The following SLC22A16 variants were observed in gnomAD, a reference collection of about 807,000 sequenced individuals.
SLC22A16 encodes solute carrier family 22 member 16, also known as WUGSC:RG331P03.1.
Under a neutral mutation model 52.9 loss-of-function variants are expected in SLC22A16, and 53 were observed. The observed-to-expected ratio is 1.00, with a 90% CI of 0.80 to 1.26. The LOEUF is 1.26. Among genes scored for constraint, SLC22A16 ranks in the 50% most tolerant of loss-of-function variants. SLC22A16 has a pLI of 0.00. For missense variants in SLC22A16, 726 were observed against 704.0 expected (o/e 1.03, Z -0.35); for synonymous variants, 291 against 268.8 (o/e 1.08, Z -0.81).
intron 2 of SLC22A16, among the ~76,000 whole-genome samples, chr6:110,452,330 CT>C (rs1775417122): frequency 6.6e-6 from 1 of 152,004 alleles, no homozygotes; most frequent in African/African-American, 2.4e-5. Context: ...ATATGTAGGA[CT>C]TTTTTCATAC....
chr6:110,428,573 A>G (rs1774368400), intron 7 of SLC22A16, among the ~76,000 whole-genome samples: 1 of 152,238 alleles, frequency 6.6e-6, no homozygotes, highest in Admixed American at 6.5e-5. Context: ...GAAGAGAACA[A>G]CAGTATCTGC....
chr6:110,467,123 C>T (rs1776097041), intron 1 of SLC22A16, among the ~76,000 whole-genome samples: 1 of 152,206 alleles, frequency 6.6e-6, no homozygotes, highest in South Asian at 2.1e-4. Context: ...CAAAGACCTA[C>T]AAGAATTCTC....
intron 7 of SLC22A16, chr6:110,425,414 C>A (rs1178710046): frequency 1.5e-6 from 2 of 1,317,692 alleles, no homozygotes; most frequent in South Asian, 2.5e-5. Flanking sequence ...ACACTTACCC[C>A]ATCTTTCCAG....
At chr6:110,444,181 G>A (rs1192817172) in intron 3 of SLC22A16, among the ~76,000 whole-genome samples, 3 of 152,128 alleles carry the variant, frequency 2.0e-5, no homozygotes, top group African/African-American at 4.8e-5. Context: ...TTGGAAATAT[G>A]ACTATCTTTA....
At chr6:110,460,123 A>C (rs1184930161) in intron 1 of SLC22A16, among the ~76,000 whole-genome samples, 1 of 152,200 alleles carries the variant, frequency 6.6e-6, no homozygotes, top group East Asian at 1.9e-4. Context: ...CCATTGACAC[A>C]TGTGATCTCC....
At chr6:110,466,971 A>AGATAGAT (rs1776091778) in intron 1 of SLC22A16, among the ~76,000 whole-genome samples, 1 of 150,338 alleles carries the variant, frequency 6.7e-6, no homozygotes, top group Non-Finnish European at 1.5e-5. Context: ...ATAGATAGAT[A>AGATAGAT]ATCTGCATTC....
intron 1 of SLC22A16, among the ~76,000 whole-genome samples, chr6:110,472,944 A>G (rs1448151019): frequency 6.6e-6 from 1 of 152,186 alleles, no homozygotes; most frequent in Non-Finnish European, 1.5e-5. Flanking sequence ...TAAAAGCATA[A>G]CTGGTGGAGT....
chr6:110,456,993 T>A lies in SLC22A16; in HGVS notation c.78A>T (p.Ile26=). Reference sequence around the variant, plus strand: ...CACAAGAGATGTTCTGGAAGGCACATATGAAATAGAGGACTCTCTGGAATC... The same window carrying A: ...CACAAGAGATGTTCTGGAAGGCACAAATGAAATAGAGGACTCTCTGGAATC... ...FGRFQRVLYF[I]CAFQNISCGI... The change falls in exon 2 of 8, where the codon ATA becomes ATT. Residue 26 remains isoleucine (I), a synonymous_variant. Coordinates refer to ENST00000368919, the MANE Select transcript of SLC22A16 (RefSeq NM_033125.4). 1 of 1,549,842 alleles carries A rather than the reference T, an allele frequency of 6.5e-7. No individual in the cohort carries two copies.
At chr6:110,474,448 G>T (rs1776387837) in intron 1 of SLC22A16, among the ~76,000 whole-genome samples, 1 of 152,200 alleles carries the variant, frequency 6.6e-6, no homozygotes, top group Admixed American at 6.5e-5. Flanking sequence ...GTACTGTGTT[G>T]CAGTCACACA....
At chr6:110,471,304 G>A (rs971615929) in intron 1 of SLC22A16, among the ~76,000 whole-genome samples, 19 of 152,188 alleles carry the variant, frequency 1.2e-4, no homozygotes, top group African/African-American at 4.6e-4. Context: ...GCCTAAATGT[G>A]TAGCAGGCTG....
At position 110,442,508 on chromosome 6, in the gene SLC22A16, T is replaced by C; in HGVS notation, c.919A>G (p.Ile307Val). The C allele has an allele frequency of 1.9e-6, 3 of 1,614,226 alleles. No individual in the cohort carries two copies. The highest frequency in any genetic ancestry group is 3.3e-5 in the Admixed American group (2 of 60,026). The change falls in exon 4 of 8, where the codon ATA (isoleucine) becomes GTA (valine). Residue 307 changes from isoleucine (I) to valine (V), a missense_variant. Transcript: ENST00000368919. ...TTCCACTTGGCCATGATGTCAACTATTTTTTGTGCTTCTTCATATCGTCCC... is the reference window on the plus strand; with the variant it reads ...TTCCACTTGGCCATGATGTCAACTACTTTTTGTGCTTCTTCATATCGTCCC... ...SEGRYEEAQK[I>V]VDIMAKWNRA...
rs1324203550 is a variant in SLC22A16 at position 110,442,585 on chromosome 6, A to G, written c.842T>C (p.Phe281Ser). 6.2e-7 allele frequency: 1 copy of G among 1,614,096 alleles called. No homozygotes were observed. Among genetic ancestry groups the G allele is most frequent in the Non-Finnish European group, 8.5e-7 (1 of 1,180,048 alleles). The change falls in exon 4 of 8, where the codon TTT (phenylalanine) becomes TCT (serine). Residue 281 changes from phenylalanine (F) to serine (S), a missense_variant. Physicochemically the swap from Phe to Ser is radical, Grantham distance 155. Coordinates refer to ENST00000368919, the MANE Select transcript of SLC22A16 (RefSeq NM_033125.4). Reference sequence around the variant, plus strand: ...TGGGAGCACCCAACAGCACAGGATAAAGGGGACAGTCACTGTGGAGAGGAT... The same window carrying G: ...TGGGAGCACCCAACAGCACAGGATAGAGGGGACAGTCACTGTGGAGAGGAT... ...QMILSTVTVP[F>S]ILCCWVLPET...
chr6:110,430,893 A>G lies in SLC22A16; in HGVS notation c.1521+278T>C, dbSNP rs182193239. ...CAGAGACCAGAGCTCTCCCTTCCCC[A>G]GGCCTGGCTTCCAGGCAAGGGTGAG... On this transcript the variant is annotated intron_variant, in intron 7 of 7. Transcript: ENST00000368919. Among the ~76,000 whole-genome samples the G allele has an allele frequency of 2.9e-3, 449 of 152,312 alleles. 6 individuals carry two copies. Among genetic ancestry groups the G allele is most frequent in the African/African-American group, 0.011 (440 of 41,574 alleles).
rs761836585 is a variant in SLC22A16, at chr6:110,442,568, C to A, written c.859G>T (p.Val287Leu). 5.6e-6 allele frequency: 9 copies of A among 1,614,018 alleles called. No individual in the cohort carries two copies. Among genetic ancestry groups the A allele is most frequent in the Non-Finnish European group, 7.6e-6 (9 of 1,180,030 alleles). Residue 287 changes from valine to leucine, a missense_variant, in exon 4 of 8, where the codon GTG (valine) becomes TTG (leucine). Coordinates refer to ENST00000368919, the MANE Select transcript of SLC22A16 (RefSeq NM_033125.4). ...AGCCAAAAAGGTGTCTCTGGGAGCA[C>A]CCAACAGCACAGGATAAAGGGGACA... Reference protein sequence around the residue: ...VTVPFILCCWVLPETPFWLLS... With the variant: ...VTVPFILCCWLLPETPFWLLS...
intron 2 of SLC22A16, among the ~76,000 whole-genome samples, chr6:110,453,916 G>A (rs1022484436): frequency 2.0e-5 from 3 of 152,174 alleles, no homozygotes; most frequent in Non-Finnish European, 4.4e-5. Context: ...TGTAAAGAGA[G>A]AGAAACCTGA....
chr6:110,438,343 GA>G (rs2114920655), intron 5 of SLC22A16, among the ~76,000 whole-genome samples: 1 of 151,910 alleles, frequency 6.6e-6, no homozygotes, highest in East Asian at 1.9e-4. Flanking sequence ...TTTATTTTTT[GA>G]GATGAGTTCT....
chr6:110,456,369 C>A, intron 2 of SLC22A16, 169 bp downstream of exon 2: 1 of 894,710 alleles, frequency 1.1e-6, no homozygotes, highest in Admixed American at 2.3e-5. Flanking sequence ...GTCTTCAGAG[C>A]CTATCCTTAT....
intron 1 of SLC22A16, among the ~76,000 whole-genome samples, chr6:110,469,024 C>T (rs1228467875): frequency 6.6e-6 from 1 of 152,188 alleles, no homozygotes. Flanking sequence ...GTCATTTTCT[C>T]AAGAGGCATC....
intron 6 of SLC22A16, among the ~76,000 whole-genome samples, chr6:110,432,761 C>A (rs62421678): frequency 0.05 from 7,557 of 152,304 alleles, 251 homozygotes; most frequent in Non-Finnish European, 0.078. Flanking sequence ...TGTTATTCTG[C>A]CTGTCTGCTA....
Sources: allele counts gnomAD v4.1 joint callset (sites outside exome capture counted in the v4.1 genomes callset), GRCh38; gene constraint gnomAD v4.1.1; transcripts MANE v1.5; gene names NCBI Gene and HGNC (gene_info 2026-07-23, HGNC 2026-07-21).